The following WDR86 variants were observed in gnomAD, a reference collection of about 807,000 sequenced individuals.
WDR86 encodes WD repeat-containing protein 86.
A neutral mutation model predicts 36.5 loss-of-function variants in WDR86; 30 were observed. The ratio of observed to expected loss-of-function variants is 0.82; its 90% CI spans 0.61 to 1.11. The LOEUF (loss-of-function observed/expected upper bound fraction) is 1.11, where lower values mean the gene tolerates loss of function less well. Among genes scored for constraint, WDR86 ranks in the 50% most tolerant of loss-of-function variants. The pLI is 0.00. For missense variants in WDR86, 545 were observed against 561.2 expected, an observed-to-expected ratio of 0.97 and a Z score of 0.29; for synonymous variants, 255 against 252.9, an observed-to-expected ratio of 1.01 and a Z score of -0.08.
At chr7:151,393,152 G>C (rs1219356883) in intron 3 of WDR86, among the ~76,000 whole-genome samples, 1 of 152,218 alleles carries the variant, frequency 6.6e-6, no homozygotes, top group African/African-American at 2.4e-5. Flanking sequence ...TGTCTGCGTG[G>C]TATGTTTGTG....
rs1010052463 is a variant in WDR86 at position 151,409,348 on chromosome 7, C to A, written c.163+79G>T. ...GGCTGGACTTCTAGAAAGGGGTCTGCGGGCGCAGGAGCTGGGGTCCGCGGT... is the reference window on the plus strand; with the variant it reads ...GGCTGGACTTCTAGAAAGGGGTCTGAGGGCGCAGGAGCTGGGGTCCGCGGT... On this transcript the variant is annotated intron_variant, in intron 1 of 5. Coordinates refer to ENST00000334493, the MANE Select transcript of WDR86 (RefSeq NM_198285.3). This position sits in a 1 kb window ranked among gnomAD's most constrained non-coding sequence, Gnocchi z 5.2. 2 of 1,530,484 alleles carry A rather than the reference C, an allele frequency of 1.3e-6. No individual in the cohort carries two copies. Among genetic ancestry groups the A allele is most frequent in the Admixed American group, 2.0e-5 (1 of 50,288 alleles). The allele number at this position is 1,530,484 out of a possible 1,614,324, so 94.8% of individuals were successfully genotyped here. A position where few individuals can be genotyped will look rare whatever the true frequency, so the allele number is the denominator to read the frequency against.
At chr7:151,408,904 T>C (rs1379278956) in intron 1 of WDR86, 2 of 471,176 alleles carry the variant, frequency 4.2e-6, no homozygotes, top group African/African-American at 4.0e-5. Flanking sequence ...CCAGCCTGTT[T>C]CCACGTCTGT....
chr7:151,408,194 C>CTTTTTTT (rs1167346483), intron 1 of WDR86, among the ~76,000 whole-genome samples: 2 of 124,672 alleles, frequency 1.6e-5, no homozygotes, highest in African/African-American at 6.4e-5. Flanking sequence ...TTTTTCTTTT[C>CTTTTTTT]TTTTCTTTTT....
chr7:151,388,613 G>A lies in WDR86; in HGVS notation c.727-3390C>T, dbSNP rs935838208. Among the ~76,000 whole-genome samples the A allele has an allele frequency of 3.9e-5, 6 of 152,186 alleles. No individual in the cohort carries two copies. Among genetic ancestry groups the A allele is most frequent in the Non-Finnish European group, 5.9e-5 (4 of 68,032 alleles). The stretch of plus-strand genomic sequence containing the variant: ...CCTGGCTTCTGGGACCCCTGAGATC[G>A]GTGGCTCAGCCCTGCATGCAGTCCT... On this transcript the variant is annotated intron_variant, in intron 3 of 5. Transcript: ENST00000334493. The surrounding 1 kb of genome is among the most constrained non-coding windows in gnomAD (Gnocchi z 4.2).
At chr7:151,377,504 GGAACAGGGGTCCTGTA>G (rs767849806), downstream of WDR86, 7 of 240,824 alleles carry the variant, frequency 2.9e-5, no homozygotes, top group East Asian at 9.8e-5. Flanking sequence ...GAAACAGGAA[GGAACAGGGGTCCTGTA>G]GAACAGGGGT....
At chr7:151,404,149 T>C (rs1024895911) in intron 1 of WDR86, among the ~76,000 whole-genome samples, 1 of 152,108 alleles carries the variant, frequency 6.6e-6, no homozygotes, top group Non-Finnish European at 1.5e-5. Context: ...AAAGGACATA[T>C]ACGCAGATGA....
intron 3 of WDR86, among the ~76,000 whole-genome samples, chr7:151,387,208 C>T (rs1049602138): frequency 6.6e-6 from 1 of 152,176 alleles, no homozygotes; most frequent in African/African-American, 2.4e-5. Context: ...CAGCCCCACA[C>T]CTCTGTGCTG....
intron 3 of WDR86, among the ~76,000 whole-genome samples, chr7:151,389,427 A>T (rs1040538091): frequency 6.6e-6 from 1 of 152,104 alleles, no homozygotes; most frequent in Non-Finnish European, 1.5e-5. Context: ...CACAGCTCAA[A>T]CGCACCATCG....
In WDR86 at chr7:151,401,531, G is replaced by C. The variant is rs561805266; in HGVS notation, c.164-1290C>G. On this transcript the variant is annotated intron_variant, in intron 1 of 5. Coordinates refer to ENST00000334493, the MANE Select transcript of WDR86 (RefSeq NM_198285.3). The surrounding 1 kb of genome is among the most constrained non-coding windows in gnomAD (Gnocchi z 4.3). ...CAATGCCTGCCTCACGGGATGTAGC[G>C]CAGACTGAGGACAGAGGCAGCCGCA... Among the ~76,000 whole-genome samples the C allele has an allele frequency of 1.3e-5, 2 of 152,130 alleles. No individual in the cohort carries two copies.
Position 151,406,087 on chromosome 7 carries a change from G to A in WDR86, c.163+3340C>T, listed in dbSNP as rs966126796. 3.0e-4 allele frequency among the ~76,000 whole-genome samples: 45 copies of A among 152,230 alleles called. No homozygotes were observed. Among genetic ancestry groups the A allele is most frequent in the African/African-American group, 9.9e-4 (41 of 41,466 alleles). ...GGCAAGTAATTCTTCTCTTTGCAGAGTAATTGCAATGAAGCCTTTTTCACT... is the reference window on the plus strand; with the variant it reads ...GGCAAGTAATTCTTCTCTTTGCAGAATAATTGCAATGAAGCCTTTTTCACT... On this transcript the variant is annotated intron_variant, in intron 1 of 5. Coordinates refer to ENST00000334493, the MANE Select transcript of WDR86 (RefSeq NM_198285.3). The surrounding 1 kb of genome is among the most constrained non-coding windows in gnomAD (Gnocchi z 4.4).
At chr7:151,381,118 G>T (rs1798528075), downstream of WDR86, 4 of 1,218,392 alleles carry the variant, frequency 3.3e-6, no homozygotes. The surrounding 1 kb of genome is among the most constrained non-coding windows in gnomAD (Gnocchi z 4.8). Context: ...GAGGACACAG[G>T]AGCACTTTTA....
chr7:151,397,549 G>A (rs1242107273), intron 2 of WDR86, among the ~76,000 whole-genome samples: 2 of 152,084 alleles, frequency 1.3e-5, no homozygotes, highest in Admixed American at 6.5e-5. Flanking sequence ...TCAGCCTCCC[G>A]AGTAGCTGGG....
At chr7:151,381,061 A>AT, downstream of WDR86, 1 of 1,025,974 alleles carries the variant, frequency 9.7e-7, no homozygotes, top group Non-Finnish European at 1.2e-6. This position sits in a 1 kb window ranked among gnomAD's most constrained non-coding sequence, Gnocchi z 4.8. Context: ...GGTTCCTGGA[A>AT]TCCCAAGCTC....
At chr7:151,372,658 TG>T (rs1354546155), downstream of WDR86, among the ~76,000 whole-genome samples, 2 of 152,138 alleles carry the variant, frequency 1.3e-5, no homozygotes, top group South Asian at 2.1e-4. Context: ...GAAGCATTGT[TG>T]GGGCCAGGGA....
In WDR86 at chr7:151,386,681, G is replaced by A. The variant is rs547100259; in HGVS notation, c.727-1458C>T. 4.6e-4 allele frequency among the ~76,000 whole-genome samples: 70 copies of A among 152,240 alleles called. 1 individual carries two copies. The South Asian group carries it at 0.014, about 30-fold the overall frequency. On this transcript the variant is annotated intron_variant, in intron 3 of 5. Transcript: ENST00000334493. The stretch of plus-strand genomic sequence containing the variant: ...CGGGCACCAGCAGGAAGGACAAATG[G>A]ACCTTCCTGAGCCTGCCGGGCACAC...
chr7:151,375,784 A>C, downstream of WDR86: 7 of 1,048,368 alleles, frequency 6.7e-6, no homozygotes, highest in Non-Finnish European at 7.5e-6. Flanking sequence ...GGCAGGGTGC[A>C]GCGCCTGTCT....
At chr7:151,374,621 G>GT (rs1175183042), downstream of WDR86, 4 of 280,424 alleles carry the variant, frequency 1.4e-5, no homozygotes, top group East Asian at 2.3e-4. Flanking sequence ...AATTTTAAAT[G>GT]TAAGTATCTA....
At chr7:151,392,685 G>A (rs958366510) in intron 3 of WDR86, among the ~76,000 whole-genome samples, 1 of 152,164 alleles carries the variant, frequency 6.6e-6, no homozygotes, top group Non-Finnish European at 1.5e-5. Flanking sequence ...CGGCCGCCCA[G>A]GGACCTCCCA....
At position 151,408,199 on chromosome 7, in the gene WDR86, C is replaced by CTT. The variant is rs1029293163; in HGVS notation, c.163+1226_163+1227dup. ...ATGTAATATTTTTTTCTTTTCTTTT[C>CTT]TTTTTTTTTTTTTTTTAGACAGAGT... On this transcript the variant is annotated intron_variant, in intron 1 of 5. Transcript: ENST00000334493. Among the ~76,000 whole-genome samples, 970 of 115,990 alleles carry CTT rather than the reference C, an allele frequency of 8.4e-3. 27 individuals carry two copies. The highest frequency in any genetic ancestry group is 0.032 in the African/African-American group (922 of 28,718). The allele number at this position is 115,990 out of a possible 152,430, so 76.1% of individuals were successfully genotyped here.
Sources: gnomAD v4.1 joint callset for allele counts (sites outside exome capture counted in the v4.1 genomes callset) on GRCh38, gnomAD v4.1.1 for gene constraint, Gnocchi (gnomAD v3.1) non-coding constraint, MANE v1.5 for transcripts, NCBI Gene and HGNC (gene_info 2026-07-23, HGNC 2026-07-21) for gene names.